The following MGAT4C variants were observed in gnomAD, a reference collection of about 807,000 sequenced individuals.
MGAT4C encodes alpha-1,3-mannosyl-glycoprotein 4-beta-N-acetylglucosaminyltransferase C.
MGAT4C carries 19 observed loss-of-function variants against 40.1 expected under a neutral mutation model. The ratio of observed to expected loss-of-function variants is 0.47; its 90% CI spans 0.33 to 0.70. MGAT4C has a LOEUF of 0.70. MGAT4C is among the 30% of genes least tolerant of loss of function. The pLI is 0.02. For missense variants in MGAT4C, 491 were observed against 563.2 expected, an observed-to-expected ratio of 0.87 and a Z score of 1.30; for synonymous variants, 181 against 187.1, an observed-to-expected ratio of 0.97 and a Z score of 0.27.
chr12:86,800,613 G>A (rs1276642548), intron 1 of MGAT4C, among the ~76,000 whole-genome samples: 3 of 151,814 alleles, frequency 2.0e-5, no homozygotes, highest in Non-Finnish European at 2.9e-5. Context: ...GAACTGGTCA[G>A]ACAATAGGAT....
chr12:86,043,681 C>G (rs1434874524), intron 2 of MGAT4C, among the ~76,000 whole-genome samples: 3 of 152,212 alleles, frequency 2.0e-5, no homozygotes, highest in Non-Finnish European at 4.4e-5. Flanking sequence ...CAAGTTGACA[C>G]TCGATATTAA....
At chr12:86,401,311 T>C (rs1396109977) in intron 3 of MGAT4C, among the ~76,000 whole-genome samples, 4 of 151,358 alleles carry the variant, frequency 2.6e-5, no homozygotes, top group Non-Finnish European at 4.4e-5. Context: ...TGTATATATA[T>C]ATATATTTCT....
chr12:86,681,756 G>C (rs760322687), intron 2 of MGAT4C, among the ~76,000 whole-genome samples: 12 of 151,796 alleles, frequency 7.9e-5, no homozygotes, highest in Non-Finnish European at 1.8e-4. Flanking sequence ...TTGCAGTTCT[G>C]ATATACATAG....
intron 2 of MGAT4C, among the ~76,000 whole-genome samples, chr12:86,610,440 A>G (rs562704208): frequency 2.5e-4 from 38 of 152,200 alleles, no homozygotes; most frequent in Non-Finnish European, 4.3e-4. Context: ...TTATCCTCCC[A>G]TGTATCAGCC....
At chr12:86,493,419 T>C (rs187766128) in intron 2 of MGAT4C, among the ~76,000 whole-genome samples, 9,709 of 151,992 alleles carry the variant, frequency 0.064, 742 homozygotes, top group East Asian at 0.24. Context: ...AATGATAGAC[T>C]GGATTAAGAA....
At chr12:86,050,738 T>G (rs1892821584) in intron 1 of MGAT4C, among the ~76,000 whole-genome samples, 1 of 152,034 alleles carries the variant, frequency 6.6e-6, no homozygotes, top group Non-Finnish European at 1.5e-5. Flanking sequence ...TTCCACATTT[T>G]TCCTCTTTGT....
In MGAT4C at chr12:86,760,363, ATTTTTGTTTTTG is replaced by A. The variant is rs1007257198; in HGVS notation, c.-261-33134_-261-33123del. On this transcript the variant is annotated intron_variant, in intron 1 of 7. Transcript: ENST00000548651. Reference sequence around the variant, plus strand: ...CTCCATGACACTGACTTAGGCACGGATTTTTGTTTTTGTTTTTGTTTTTGTTTTTTTTTGGAT... The same window carrying A: ...CTCCATGACACTGACTTAGGCACGGATTTTTGTTTTTGTTTTTTTTTGGAT... Among the ~76,000 whole-genome samples the A allele has an allele frequency of 1.1e-4, 17 of 152,174 alleles. 1 individual carries two copies. The highest frequency in any genetic ancestry group is 8.5e-4 in the Admixed American group (13 of 15,276).
chr12:86,526,139 G>C (rs956366780), intron 2 of MGAT4C, among the ~76,000 whole-genome samples: 1 of 152,178 alleles, frequency 6.6e-6, no homozygotes, highest in Non-Finnish European at 1.5e-5. Flanking sequence ...TGTTGGGCAA[G>C]GGTGGTTGCT....
chr12:86,440,183 T>TA (rs1957202307), intron 2 of MGAT4C, among the ~76,000 whole-genome samples: 1 of 151,720 alleles, frequency 6.6e-6, no homozygotes, highest in Non-Finnish European at 1.5e-5. Flanking sequence ...ACAACAAAAA[T>TA]ACTACAGACC....
Position 86,434,789 on chromosome 12 carries a change from G to A in MGAT4C, c.-120+368C>T, listed in dbSNP as rs147048910. 2.1e-3 allele frequency among the ~76,000 whole-genome samples: 320 copies of A among 151,974 alleles called. 2 individuals are homozygous for A. Among genetic ancestry groups the A allele is most frequent in the African/African-American group, 7.3e-3 (304 of 41,540 alleles). ...TGGGAATTAATAACACCATTGGTCA[G>A]GGGAAAACTTAAACACATAGATTCA... On this transcript the variant is annotated intron_variant, in intron 3 of 7. Transcript: ENST00000548651.
intron 1 of MGAT4C, among the ~76,000 whole-genome samples, chr12:86,177,051 C>T (rs946885742): frequency 2.0e-5 from 3 of 151,636 alleles, no homozygotes; most frequent in African/African-American, 4.8e-5. Context: ...GTTCTTCTCC[C>T]TATGTGCTTT....
intron 2 of MGAT4C, among the ~76,000 whole-genome samples, chr12:86,540,192 G>A (rs1959149134): frequency 6.6e-6 from 1 of 152,178 alleles, no homozygotes; most frequent in Non-Finnish European, 1.5e-5. Context: ...TTGATTAAGT[G>A]TGACTACTGA....
chr12:86,051,653 A>G (rs555842409), intron 1 of MGAT4C, among the ~76,000 whole-genome samples: 9 of 151,706 alleles, frequency 5.9e-5, no homozygotes, highest in Non-Finnish European at 1.0e-4. Context: ...GAAAAAGAGT[A>G]TGAATGAAAA....
intron 2 of MGAT4C, among the ~76,000 whole-genome samples, chr12:86,448,530 C>T (rs527680497): frequency 6.6e-6 from 1 of 152,252 alleles, no homozygotes; most frequent in South Asian, 2.1e-4. Context: ...CTACCTGAAT[C>T]CCTCACTGGA....
chr12:86,477,320 C>T (rs1023250251), intron 2 of MGAT4C, among the ~76,000 whole-genome samples: 1 of 151,526 alleles, frequency 6.6e-6, no homozygotes, highest in Non-Finnish European at 1.5e-5. Context: ...AATAGAAAAC[C>T]AAATACCACA....
At chr12:86,622,884 T>C (rs1028097584) in intron 2 of MGAT4C, among the ~76,000 whole-genome samples, 80 of 152,262 alleles carry the variant, frequency 5.3e-4, no homozygotes, top group African/African-American at 1.9e-3. Context: ...ATTATTATTA[T>C]ATTTCACTTC....
At chr12:86,365,874 C>G (rs1046928956) in intron 3 of MGAT4C, among the ~76,000 whole-genome samples, 3 of 152,042 alleles carry the variant, frequency 2.0e-5, no homozygotes, top group Non-Finnish European at 2.9e-5. Flanking sequence ...TATTTCAGCA[C>G]TGTTTTAGTT....
intron 4 of MGAT4C, among the ~76,000 whole-genome samples, chr12:86,285,441 A>G (rs1259609193): frequency 6.6e-6 from 1 of 152,100 alleles, no homozygotes; most frequent in Non-Finnish European, 1.5e-5. Context: ...CATTTATACA[A>G]CACACAACAT....
intron 1 of MGAT4C, among the ~76,000 whole-genome samples, chr12:86,248,748 G>A (rs1592581172): frequency 1.3e-5 from 2 of 152,178 alleles, no homozygotes; most frequent in South Asian, 4.1e-4. Context: ...GTAGATGGGA[G>A]CGGTCATACA....
Sources: allele counts gnomAD v4.1 joint callset (sites outside exome capture counted in the v4.1 genomes callset), GRCh38; gene constraint gnomAD v4.1.1; transcripts MANE v1.5; gene names NCBI Gene and HGNC (gene_info 2026-07-23, HGNC 2026-07-21).